Variants in IRX2 observed in about 807,000 individuals in gnomAD.
IRX2 encodes the protein iroquois-class homeodomain protein IRX-2.
Under a neutral mutation model 42.9 loss-of-function variants are expected in IRX2, and 26 were observed. The ratio of observed to expected loss-of-function variants is 0.61; its 90% CI spans 0.44 to 0.84. IRX2 has a LOEUF of 0.84. Among genes scored for constraint, IRX2 ranks in the 40% least tolerant of loss-of-function variants. The pLI is 0.00. For missense variants in IRX2, 782 were observed against 713.9 expected, an observed-to-expected ratio of 1.10 and a Z score of -1.09; for synonymous variants, 424 against 353.9, an observed-to-expected ratio of 1.20 and a Z score of -2.22.
chr5:2,751,447 G>T lies in IRX2; in HGVS notation c.-34C>A. On this transcript the variant is annotated 5_prime_UTR_variant, in exon 1 of 4. It introduces an in-frame stop codon into an upstream open reading frame of the 5' UTR. Transcript: ENST00000302057. This position sits in a 1 kb window ranked among gnomAD's most constrained non-coding sequence, Gnocchi z 4.0. The stretch of plus-strand genomic sequence containing the variant: ...CGGGGCGCGGGGCCCGCGTCACGCC[G>T]AGCAGCGGGCAGGGCGCGCGGCGCC... 8.3e-7 allele frequency: 1 copy of T among 1,198,474 alleles called. No homozygotes were observed. Among genetic ancestry groups the T allele is most frequent in the South Asian group, 2.8e-5 (1 of 35,762 alleles). The allele number at this position is 1,198,474 out of a possible 1,614,324, so 74.2% of individuals were successfully genotyped here. A position where few individuals can be genotyped will look rare whatever the true frequency, so the allele number is the denominator to read the frequency against.
chr5:2,743,975 T>C (rs1444448679), downstream of IRX2, among the ~76,000 whole-genome samples: 1 of 152,228 alleles, frequency 6.6e-6, no homozygotes, highest in East Asian at 1.9e-4. Context: ...TTGTTGGGCA[T>C]ATAAACATCA....
chr5:2,747,495 C>T lies in IRX2; in HGVS notation c.*69G>A, dbSNP rs1737715099. Reference sequence around the variant, plus strand: ...GAAAAACACATTAAGCAAGTTGGTGCTGGGAGGCTCCACAGGGTCTGGGAA... The same window carrying T: ...GAAAAACACATTAAGCAAGTTGGTGTTGGGAGGCTCCACAGGGTCTGGGAA... On this transcript the variant is annotated 3_prime_UTR_variant, in exon 4 of 4. Transcript: ENST00000302057. 7 of 1,383,572 alleles carry T rather than the reference C, an allele frequency of 5.1e-6. No individual in the cohort carries two copies. In the East Asian group the frequency reaches 1.2e-4, roughly 23 times the overall value. The allele number at this position is 1,383,572 out of a possible 1,614,324, so 85.7% of individuals were successfully genotyped here. A position where few individuals can be genotyped will look rare whatever the true frequency, so the allele number is the denominator to read the frequency against.
At chr5:2,744,566 G>A (rs1390795443), downstream of IRX2, among the ~76,000 whole-genome samples, 1 of 152,142 alleles carries the variant, frequency 6.6e-6, no homozygotes, top group Non-Finnish European at 1.5e-5. Context: ...ACCAAAACAA[G>A]CAAATATACT....
downstream of IRX2, among the ~76,000 whole-genome samples, chr5:2,744,091 T>TGTGTGTGTGTGTGTGTGTTGAA (rs1560946463): frequency 6.7e-6 from 1 of 150,358 alleles, no homozygotes; most frequent in Admixed American, 6.6e-5. Flanking sequence ...TGTGTGTGTG[T>TGTGTGTGTGTGTGTGTGTTGAA]GTGTGTGTGT....
At chr5:2,750,304 T>C (rs1222410820) in intron 1 of IRX2, among the ~76,000 whole-genome samples, 3 of 152,230 alleles carry the variant, frequency 2.0e-5, no homozygotes, top group African/African-American at 7.2e-5. Flanking sequence ...ACGCCGTAAT[T>C]AGCATTTTAA....
At chr5:2,736,402 T>G in the IRX2 span, among the ~76,000 whole-genome samples, 2 of 152,250 alleles carry the variant, frequency 1.3e-5, no homozygotes, top group African/African-American at 2.4e-5. Context: ...AGCTTCATAA[T>G]GAAACTTTTT....
At chr5:2,736,197 G>A in the IRX2 span, among the ~76,000 whole-genome samples, 2 of 152,158 alleles carry the variant, frequency 1.3e-5, no homozygotes, top group East Asian at 1.9e-4. Flanking sequence ...GGTGATGTGT[G>A]CAGGTGGGAG....
At chr5:2,741,740 TTC>T (rs1737544821), downstream of IRX2, among the ~76,000 whole-genome samples, 1 of 152,232 alleles carries the variant, frequency 6.6e-6, no homozygotes, top group South Asian at 2.1e-4. Context: ...TCTGGGTATT[TTC>T]TGTGAATATC....
downstream of IRX2, among the ~76,000 whole-genome samples, chr5:2,744,702 A>G (rs749764458): frequency 1.3e-5 from 2 of 152,356 alleles, no homozygotes; most frequent in African/African-American, 4.8e-5. Context: ...ACACACGCTC[A>G]TATCTATTAC....
At chr5:2,744,351 A>G (rs1737612382), downstream of IRX2, among the ~76,000 whole-genome samples, 2 of 152,218 alleles carry the variant, frequency 1.3e-5, no homozygotes, top group South Asian at 4.1e-4. Context: ...TACTTTTCAC[A>G]GAAGTCTTCC....
Position 2,748,370 on chromosome 5 carries a change from CG to C in IRX2, c.1337del (p.Pro446ArgfsTer119). On this transcript the variant is annotated frameshift_variant, in exon 3 of 4. Coordinates refer to ENST00000302057, the MANE Select transcript of IRX2 (RefSeq NM_033267.5). LOFTEE classifies it high-confidence loss of function. ...AHPLESHYRS[P>X]GGGYEPKKDA... The stretch of plus-strand genomic sequence containing the variant: ...CTTTCTTGGGCTCGTAGCCGCCGCC[CG>C]GGGACCGGTAGTGGGACTCGAGCGG... 6.8e-7 allele frequency: 1 copy of C among 1,459,910 alleles called. No homozygotes were observed. The highest frequency in any genetic ancestry group is 9.0e-7 in the Non-Finnish European group (1 of 1,113,686). 90.4% of individuals were successfully genotyped at this position (1,459,910 alleles called of 1,614,324 possible). A position where few individuals can be genotyped will look rare whatever the true frequency, so the allele number is the denominator to read the frequency against.
rs1194014611 is a variant in IRX2, at chr5:2,746,744, A to C, written c.*820T>G. 1 of 44,090 alleles carries C rather than the reference A, an allele frequency of 2.3e-5. No individual in the cohort carries two copies. The highest frequency in any genetic ancestry group is 6.3e-5 in the African/African-American group (1 of 15,958). The allele number at this position is 44,090 out of a possible 1,614,324, so 2.7% of individuals were successfully genotyped here. A position where few individuals can be genotyped will look rare whatever the true frequency, so the allele number is the denominator to read the frequency against. The stretch of plus-strand genomic sequence containing the variant: ...CTTGGGAAGAGAGAATGGCCTGCTG[A>C]CTTTTTTTTTTTTTTTTTTTTCAAA... On this transcript the variant is annotated 3_prime_UTR_variant, in exon 4 of 4. Coordinates refer to ENST00000302057, the MANE Select transcript of IRX2 (RefSeq NM_033267.5).
chr5:2,751,283 G>C lies in IRX2; in HGVS notation c.131C>G (p.Ala44Gly). 1 of 1,429,448 alleles carries C rather than the reference G, an allele frequency of 7.0e-7. No homozygotes were observed. The highest frequency in any genetic ancestry group is 9.2e-7 in the Non-Finnish European group (1 of 1,091,694). 88.5% of individuals were successfully genotyped at this position (1,429,448 alleles called of 1,614,324 possible). A position where few individuals can be genotyped will look rare whatever the true frequency, so the allele number is the denominator to read the frequency against. Residue 44 changes from alanine (A) to glycine (G), a missense_variant, in exon 1 of 4, where the codon GCG becomes GGG. Ala to Gly is a moderately conservative substitution (Grantham distance 60). Transcript: ENST00000302057. The surrounding 1 kb of genome is among the most constrained non-coding windows in gnomAD (Gnocchi z 4.0). ...EELARSASGS[A>G]FSPYPGSAAF... ...CGCCGAGCCCGGGTAGGGGCTGAAC[G>C]CCGAGCCCGACGCCGAGCGCGCCAG...
downstream of IRX2, among the ~76,000 whole-genome samples, chr5:2,744,283 T>A (rs1331560934): frequency 6.6e-6 from 1 of 152,244 alleles, no homozygotes; most frequent in Non-Finnish European, 1.5e-5. Context: ...AAATGTTGTA[T>A]CTTCATTAGA....
At chr5:2,744,343 C>G (rs1333399113), downstream of IRX2, among the ~76,000 whole-genome samples, 4 of 152,098 alleles carry the variant, frequency 2.6e-5, no homozygotes, top group Non-Finnish European at 4.4e-5. Context: ...AACTTTCATA[C>G]TTTTCACAGA....
At position 2,747,512 on chromosome 5, in the gene IRX2, G is replaced by C; in HGVS notation, c.*52C>G. The stretch of plus-strand genomic sequence containing the variant: ...AGTTGGTGCTGGGAGGCTCCACAGG[G>C]TCTGGGAAGCACCAGGGTGCCCACT... On this transcript the variant is annotated 3_prime_UTR_variant, in exon 4 of 4. Coordinates refer to ENST00000302057, the MANE Select transcript of IRX2 (RefSeq NM_033267.5). 1 of 1,538,288 alleles carries C rather than the reference G, an allele frequency of 6.5e-7. No individual in the cohort carries two copies. The highest frequency in any genetic ancestry group is 9.0e-7 in the Non-Finnish European group (1 of 1,111,530).
Position 2,749,769 on chromosome 5 carries a change from G to C in IRX2, c.268C>G (p.His90Asp). The stretch of plus-strand genomic sequence containing the variant: ...ATGGCGCCGGTCATGCCGGTGGTGT[G>C]CGCGTCGTAGGGTGCGCCCTGGAAC... ...PSYMGAPYDA[H>D]TTGMTGAISY... Residue 90 changes from histidine to aspartate, a missense_variant, in exon 2 of 4, where the codon CAC becomes GAC. Transcript: ENST00000302057. 1 of 1,608,634 alleles carries C rather than the reference G, an allele frequency of 6.2e-7. No individual in the cohort carries two copies. The highest frequency in any genetic ancestry group is 8.5e-7 in the Non-Finnish European group (1 of 1,177,374).
Position 2,749,248 on chromosome 5 carries a change from A to C in IRX2, c.655+134T>G. On this transcript the variant is annotated intron_variant, in intron 2 of 3. Coordinates refer to ENST00000302057, the MANE Select transcript of IRX2 (RefSeq NM_033267.5). ...CGCTCGCTCAAATCCCGGCGACCCC[A>C]GGGCAATGTGGTGCGGCTGGGGCTC... 3.5e-6 allele frequency: 5 copies of C among 1,446,378 alleles called. No individual in the cohort carries two copies. In the South Asian group the frequency reaches 7.1e-5, roughly 21 times the overall value. 89.6% of individuals were successfully genotyped at this position (1,446,378 alleles called of 1,614,324 possible).
chr5:2,751,421 G>T lies in IRX2; in HGVS notation c.-8C>A. 1 of 1,296,392 alleles carries T rather than the reference G, an allele frequency of 7.7e-7. No homozygotes were observed. Among genetic ancestry groups the T allele is most frequent in the African/African-American group, 1.6e-5 (1 of 63,196 alleles). The allele number at this position is 1,296,392 out of a possible 1,614,324, so 80.3% of individuals were successfully genotyped here. On this transcript the variant is annotated 5_prime_UTR_variant, in exon 1 of 4. Transcript: ENST00000302057. This position sits in a 1 kb window ranked among gnomAD's most constrained non-coding sequence, Gnocchi z 4.0. ...GCCCTGCGGGTAGGACATGGTGGGCGCGGGGCGCGGGGCCCGCGTCACGCC... is the reference window on the plus strand; with the variant it reads ...GCCCTGCGGGTAGGACATGGTGGGCTCGGGGCGCGGGGCCCGCGTCACGCC...
Sources: allele counts gnomAD v4.1 joint callset (sites outside exome capture counted in the v4.1 genomes callset), GRCh38; gene constraint gnomAD v4.1.1; non-coding constraint Gnocchi (gnomAD v3.1); transcripts MANE v1.5; gene names NCBI Gene and HGNC (gene_info 2026-07-23, HGNC 2026-07-21).